Variants in MGMT observed in about 807,000 individuals in gnomAD.
The protein encoded by MGMT is O-6-methylguanine-DNA methyltransferase, also known as methylated-DNA--protein-cysteine methyltransferase.
Under a neutral mutation model 15.9 loss-of-function variants are expected in MGMT, and 14 were observed. The observed-to-expected ratio is 0.88, with a 90% CI of 0.58 to 1.37. The LOEUF (loss-of-function observed/expected upper bound fraction) is 1.37. Ranked by LOEUF, MGMT falls within the 40% of genes most tolerant of loss-of-function variation. The pLI is 0.00. For synonymous variants in MGMT, 130 were observed against 118.2 expected, an observed-to-expected ratio of 1.10 and a Z score of -0.65; for missense variants, 282 against 268.1, an observed-to-expected ratio of 1.05 and a Z score of -0.36.
chr10:129,579,707 T>C (rs1846529978), intron 2 of MGMT, among the ~76,000 whole-genome samples: 1 of 152,254 alleles, frequency 6.6e-6, no homozygotes. Flanking sequence ...TCAGAAACCA[T>C]CTCTGTCTGC....
At chr10:129,700,356 G>A (rs148119767) in intron 2 of MGMT, 5 of 152,196 alleles carry the variant, frequency 3.3e-5, no homozygotes, top group African/African-American at 7.2e-5. Context: ...AATTGCATGC[G>A]CTTTGTCAAA....
intron 2 of MGMT, among the ~76,000 whole-genome samples, chr10:129,596,278 A>T (rs1380586420): frequency 6.6e-6 from 1 of 152,170 alleles, no homozygotes; most frequent in Admixed American, 6.5e-5. Flanking sequence ...CAACTCAGTC[A>T]TATGTGGAAA....
intron 2 of MGMT, among the ~76,000 whole-genome samples, chr10:129,698,712 A>G (rs950551205): frequency 9.2e-5 from 14 of 152,200 alleles, no homozygotes; most frequent in Non-Finnish European, 1.5e-5. Context: ...CAAGTAAAAG[A>G]TCTTCATTCC....
chr10:129,560,612 A>G (rs1371366854), intron 2 of MGMT, among the ~76,000 whole-genome samples: 6 of 152,238 alleles, frequency 3.9e-5, no homozygotes, highest in Non-Finnish European at 8.8e-5. Context: ...CTGTGTACAC[A>G]GAATCTAGAC....
intron 2 of MGMT, among the ~76,000 whole-genome samples, chr10:129,682,510 G>A (rs1224892640): frequency 6.6e-6 from 1 of 151,996 alleles, no homozygotes; most frequent in East Asian, 2.0e-4. Context: ...TAGCCTGACA[G>A]GTGTCTTTGT....
At chr10:129,667,126 G>A (rs1028764411) in intron 2 of MGMT, among the ~76,000 whole-genome samples, 2 of 152,176 alleles carry the variant, frequency 1.3e-5, no homozygotes, top group African/African-American at 4.8e-5. Context: ...AGCGCCTGCA[G>A]TGAATCTTTG....
intron 2 of MGMT, among the ~76,000 whole-genome samples, chr10:129,628,514 C>CT (rs1211793487): frequency 6.6e-6 from 1 of 152,118 alleles, no homozygotes; most frequent in African/African-American, 2.4e-5. Context: ...TGGCATTGAC[C>CT]CCGTGGTGCT....
intron 2 of MGMT, among the ~76,000 whole-genome samples, chr10:129,631,603 G>A (rs888794152): frequency 6.6e-6 from 1 of 152,198 alleles, no homozygotes; most frequent in Non-Finnish European, 1.5e-5. Flanking sequence ...TGGGCAGATC[G>A]CTTGAGTGCA....
chr10:129,514,652 T>C (rs1845718710), intron 1 of MGMT, among the ~76,000 whole-genome samples: 1 of 145,624 alleles, frequency 6.9e-6, no homozygotes, highest in Admixed American at 6.8e-5. Context: ...GTTGGGGCCT[T>C]TGGGGGGAGA....
chr10:129,767,133 A>G lies in MGMT; in HGVS notation c.*136A>G. The G allele has an allele frequency of 1.3e-6, 1 of 755,430 alleles. No individual in the cohort carries two copies. Among genetic ancestry groups the G allele is most frequent in the South Asian group, 1.9e-5 (1 of 51,334 alleles). The allele number at this position is 755,430 out of a possible 1,614,324, so 46.8% of individuals were successfully genotyped here. ...GCGTGTCTGCCCTTTCTGTTTCCAT[A>G]TTTTACAGCAGGATGAGTTCAGACG... On this transcript the variant is annotated 3_prime_UTR_variant, in exon 5 of 5. Coordinates refer to ENST00000651593, the MANE Select transcript of MGMT (RefSeq NM_002412.5).
At chr10:129,727,970 G>T (rs908598675) in intron 3 of MGMT, among the ~76,000 whole-genome samples, 1 of 152,208 alleles carries the variant, frequency 6.6e-6, no homozygotes, top group South Asian at 2.1e-4. Flanking sequence ...TCTGGCTGGA[G>T]CAGGGGAGGG....
At chr10:129,660,125 C>G (rs761400821) in intron 2 of MGMT, among the ~76,000 whole-genome samples, 1 of 152,240 alleles carries the variant, frequency 6.6e-6, no homozygotes, top group Non-Finnish European at 1.5e-5. Context: ...TCTCTCCTGT[C>G]ACTTTTACCC....
At chr10:129,593,664 C>T (rs1018416783) in intron 2 of MGMT, among the ~76,000 whole-genome samples, 2 of 152,214 alleles carry the variant, frequency 1.3e-5, no homozygotes, top group South Asian at 2.1e-4. Context: ...GTGGCTGAGG[C>T]GTAAGTCTCA....
intron 2 of MGMT, among the ~76,000 whole-genome samples, chr10:129,604,010 G>A (rs969066835): frequency 1.3e-5 from 2 of 152,180 alleles, no homozygotes; most frequent in Non-Finnish European, 1.5e-5. Flanking sequence ...ATGTGTGCGT[G>A]TGTCTGCGGG....
rs535620696 is a variant in MGMT at position 129,770,373 on chromosome 10, T to C, written c.*3376T>C. Among the ~76,000 whole-genome samples the C allele has an allele frequency of 6.6e-6, 1 of 152,338 alleles. No homozygotes were observed. Among genetic ancestry groups the C allele is most frequent in the African/African-American group, 2.4e-5 (1 of 41,572 alleles). ...GGGGAGTAGCTGGTCAGTGAGATTCTCGCAGCAATGTGAGGCATCCTCCTC... is the reference window on the plus strand; with the variant it reads ...GGGGAGTAGCTGGTCAGTGAGATTCCCGCAGCAATGTGAGGCATCCTCCTC... On this transcript the variant is annotated 3_prime_UTR_variant, in exon 5 of 5. Coordinates refer to ENST00000651593, the MANE Select transcript of MGMT (RefSeq NM_002412.5).
intron 1 of MGMT, among the ~76,000 whole-genome samples, chr10:129,505,267 A>G (rs1043028990): frequency 2.0e-5 from 3 of 152,186 alleles, no homozygotes; most frequent in Non-Finnish European, 4.4e-5. Flanking sequence ...TTTCTAGTCT[A>G]TTGATAAACT....
chr10:129,722,995 G>A (rs1359355760), intron 3 of MGMT, among the ~76,000 whole-genome samples: 1 of 103,780 alleles, frequency 9.6e-6, no homozygotes, highest in African/African-American at 4.0e-5. Flanking sequence ...GACAGAGGAA[G>A]ACTCTATCAC....
intron 2 of MGMT, among the ~76,000 whole-genome samples, chr10:129,681,388 C>A (rs535562853): frequency 6.6e-6 from 1 of 152,206 alleles, no homozygotes; most frequent in South Asian, 2.1e-4. Context: ...TGGGGACGCC[C>A]ATGGTCCTGG....
chr10:129,598,383 G>A lies in MGMT; in HGVS notation c.125+62006G>A, dbSNP rs145167679. Among the ~76,000 whole-genome samples, 378 of 152,232 alleles carry A rather than the reference G, an allele frequency of 2.5e-3. 2 individuals are homozygous for A. The highest frequency in any genetic ancestry group is 8.6e-3 in the African/African-American group (358 of 41,544). On this transcript the variant is annotated intron_variant, in intron 2 of 4. Coordinates refer to ENST00000651593, the MANE Select transcript of MGMT (RefSeq NM_002412.5). ...GGGATGATAGTGCCAATCTCTTAGC[G>A]TAGGTGACAGATTCCGAAGTAAAGG...
Sources: gnomAD v4.1 joint callset for allele counts (sites outside exome capture counted in the v4.1 genomes callset) on GRCh38, gnomAD v4.1.1 for gene constraint, MANE v1.5 for transcripts, NCBI Gene and HGNC (gene_info 2026-07-23, HGNC 2026-07-21) for gene names.